The following KCNMA1 variants were observed in gnomAD, a reference collection of about 807,000 sequenced individuals.
KCNMA1 encodes potassium calcium-activated channel subfamily M alpha 1.
KCNMA1 carries 29 observed loss-of-function variants against 140.0 expected under a neutral mutation model. That is an observed-to-expected ratio of 0.21 (90% CI 0.15 to 0.28). The LOEUF (loss-of-function observed/expected upper bound fraction) is 0.28. KCNMA1 is among the 10% of genes least tolerant of loss of function. The pLI, the probability that KCNMA1 is intolerant of heterozygous loss-of-function variation, is 1.00. For synonymous variants in KCNMA1, 612 were observed against 611.9 expected, an observed-to-expected ratio of 1.00 and a Z score of 0.00; for missense variants, 880 against 1,602.2, an observed-to-expected ratio of 0.55 and a Z score of 7.70.
intron 2 of KCNMA1, among the ~76,000 whole-genome samples, chr10:77,291,091 C>T (rs190587222): frequency 5.9e-5 from 9 of 152,190 alleles, no homozygotes; most frequent in Non-Finnish European, 1.3e-4. Flanking sequence ...GCCCTCCTCC[C>T]AAACCACAGC....
intron 25 of KCNMA1, chr10:76,902,486 T>G: frequency 6.6e-6 from 1 of 151,828 alleles, no homozygotes; most frequent in East Asian, 1.9e-4. Context: ...CTTCTCAATA[T>G]CTATCCTTGC....
At chr10:77,061,564 T>C (rs2095751757) in intron 14 of KCNMA1, among the ~76,000 whole-genome samples, 1 of 152,222 alleles carries the variant, frequency 6.6e-6, no homozygotes, top group Non-Finnish European at 1.5e-5. Context: ...ATGGGAATGA[T>C]AAATGGTACA....
At chr10:77,237,948 C>T (rs541889626) in intron 3 of KCNMA1, among the ~76,000 whole-genome samples, 1 of 152,322 alleles carries the variant, frequency 6.6e-6, no homozygotes, top group African/African-American at 2.4e-5. Flanking sequence ...TGTTGCGGTT[C>T]CCCTCACTCA....
chr10:77,060,008 C>T (rs534870492), intron 14 of KCNMA1, among the ~76,000 whole-genome samples: 14 of 152,184 alleles, frequency 9.2e-5, no homozygotes, highest in African/African-American at 3.4e-4. Flanking sequence ...TCTAACAAAA[C>T]ATGTACAGAA....
chr10:77,281,070 C>T (rs979827682), intron 2 of KCNMA1, among the ~76,000 whole-genome samples: 4 of 55,982 alleles, frequency 7.1e-5, no homozygotes, highest in East Asian at 4.4e-4. Flanking sequence ...TGTAGATCTC[C>T]GAACACAAAT....
chr10:77,506,494 C>G (rs1246976330), intron 1 of KCNMA1, among the ~76,000 whole-genome samples: 1 of 148,510 alleles, frequency 6.7e-6, no homozygotes, highest in African/African-American at 2.5e-5. Flanking sequence ...ATCAGAGAGA[C>G]AGAGAGAGAA....
intron 16 of KCNMA1, among the ~76,000 whole-genome samples, 190 bp downstream of exon 16, chr10:77,027,633 G>A (rs565759621): frequency 1.3e-5 from 2 of 152,316 alleles, no homozygotes; most frequent in South Asian, 4.2e-4. Context: ...TGGGTGCCAG[G>A]CTGGTCTGGC....
rs186009035 is a variant in KCNMA1 at position 76,887,993 on chromosome 10, A to G, written c.3462-478T>C. ...ATCTACTTTGGTGAGAGAATTTGGAATTTGGAATTCACCACATGGAAGAAT... is the reference window on the plus strand; with the variant it reads ...ATCTACTTTGGTGAGAGAATTTGGAGTTTGGAATTCACCACATGGAAGAAT... On this transcript the variant is annotated intron_variant, in intron 27 of 27. Coordinates refer to ENST00000286628, the MANE Select transcript of KCNMA1 (RefSeq NM_001161352.2). 3.4e-5 allele frequency: 6 copies of G among 174,158 alleles called. No individual in the cohort carries two copies. In the East Asian group the frequency reaches 8.9e-4, roughly 26 times the overall value. 10.8% of individuals were successfully genotyped at this position (174,158 alleles called of 1,614,324 possible).
chr10:77,497,460 C>T (rs1035684652), intron 1 of KCNMA1, among the ~76,000 whole-genome samples: 6 of 152,212 alleles, frequency 3.9e-5, no homozygotes, highest in African/African-American at 1.2e-4. Context: ...GACACTGTTG[C>T]TCTCACCTCG....
At chr10:77,309,537 T>C (rs1171002000) in intron 2 of KCNMA1, 2 of 152,250 alleles carry the variant, frequency 1.3e-5, no homozygotes, top group African/African-American at 4.8e-5. Flanking sequence ...TCAACCCTGG[T>C]TAGTGCTAGG....
Position 77,354,092 on chromosome 10 carries a change from T to C in KCNMA1, c.540+49770A>G, listed in dbSNP as rs2580805. Among the ~76,000 whole-genome samples, 218 of 152,198 alleles carry C rather than the reference T, an allele frequency of 1.4e-3. 1 individual carries two copies. Among genetic ancestry groups the C allele is most frequent in the South Asian group, 4.6e-3 (22 of 4,814 alleles). ...ACCTCCGCCTCCTGGGTTCAAGCGA[T>C]TCTCCTGCCTCAGCCTCCCAAGTAG... On this transcript the variant is annotated intron_variant, in intron 2 of 27. Transcript: ENST00000286628.
intron 1 of KCNMA1, among the ~76,000 whole-genome samples, chr10:77,447,810 G>A (rs1170249867): frequency 6.6e-6 from 1 of 152,208 alleles, no homozygotes; most frequent in Non-Finnish European, 1.5e-5. Context: ...CAGCAATGCT[G>A]CTACTAGGTG....
chr10:77,394,301 G>A (rs1345066563), intron 2 of KCNMA1, among the ~76,000 whole-genome samples: 1 of 152,214 alleles, frequency 6.6e-6, no homozygotes, highest in Non-Finnish European at 1.5e-5. Context: ...GGGGAGGGCA[G>A]AGGAGCCAAC....
intron 1 of KCNMA1, among the ~76,000 whole-genome samples, chr10:77,483,027 CA>C (rs1567086164): frequency 1.3e-4 from 19 of 149,844 alleles, no homozygotes; most frequent in African/African-American, 1.7e-4. Context: ...CACACACACA[CA>C]CACACACACA....
chr10:77,054,396 A>G (rs2095475388), intron 14 of KCNMA1, among the ~76,000 whole-genome samples: 1 of 152,174 alleles, frequency 6.6e-6, no homozygotes, highest in South Asian at 2.1e-4. Flanking sequence ...AAGCAATGCC[A>G]CAGGTATGGG....
At chr10:76,984,030 A>G (rs1374496059) in intron 19 of KCNMA1, among the ~76,000 whole-genome samples, 1 of 152,160 alleles carries the variant, frequency 6.6e-6, no homozygotes, top group African/African-American at 2.4e-5. Flanking sequence ...ATGATGCCCT[A>G]GTTGATGAGC....
intron 21 of KCNMA1, 82 bp downstream of exon 21, chr10:76,953,719 G>C (rs2067144317): frequency 6.4e-7 from 1 of 1,560,266 alleles, no homozygotes; most frequent in African/African-American, 1.4e-5. Context: ...TTATCCCACT[G>C]TCCAACTAGG....
chr10:77,111,636 T>TAA (rs1370977937), intron 7 of KCNMA1, among the ~76,000 whole-genome samples: 1 of 152,202 alleles, frequency 6.6e-6, no homozygotes, highest in African/African-American at 2.4e-5. Context: ...CTTTGGGTGA[T>TAA]AATTACCTAA....
In KCNMA1 at chr10:77,007,493, C is replaced by T. The variant is rs2089246409; in HGVS notation, c.2092+4474G>A. ...TACTTACAGTCCCAAAGTTGAGTAACCAATTAATTATCTAGCAAGCACTTC... is the reference window on the plus strand; with the variant it reads ...TACTTACAGTCCCAAAGTTGAGTAATCAATTAATTATCTAGCAAGCACTTC... On this transcript the variant is annotated intron_variant, in intron 18 of 27. Transcript: ENST00000286628. 3.3e-5 allele frequency among the ~76,000 whole-genome samples: 5 copies of T among 151,764 alleles called. 1 individual carries two copies. The South Asian group carries it at 1.0e-3, about 32-fold the overall frequency.
Sources: allele counts gnomAD v4.1 joint callset (sites outside exome capture counted in the v4.1 genomes callset), GRCh38; gene constraint gnomAD v4.1.1; transcripts MANE v1.5; gene names NCBI Gene and HGNC (gene_info 2026-07-23, HGNC 2026-07-21).